RAE1: variants seen among roughly 807,000 people sequenced by gnomAD.
RAE1 encodes ribonucleic acid export 1, also known as mRNA export factor RAE1.
RAE1 carries 13 observed loss-of-function variants against 52.7 expected under a neutral mutation model. The observed-to-expected ratio is 0.25, with a 90% CI of 0.16 to 0.39. RAE1 has a LOEUF of 0.39. RAE1 is among the 10% of genes least tolerant of loss of function. The pLI, the probability that RAE1 is intolerant of heterozygous loss-of-function variation, is 1.00. For missense variants in RAE1, 262 were observed against 459.8 expected, an observed-to-expected ratio of 0.57 and a Z score of 3.93; for synonymous variants, 164 against 153.1, an observed-to-expected ratio of 1.07 and a Z score of -0.52.
At chr20:57,367,961 C>T (rs2066981410) in intron 7 of RAE1, among the ~76,000 whole-genome samples, 1 of 152,080 alleles carries the variant, frequency 6.6e-6, no homozygotes, top group Admixed American at 6.5e-5. Context: ...ATGATCTCAG[C>T]TCACTGCAAC....
chr20:57,359,868 T>C (rs1350963937), intron 4 of RAE1: 2 of 152,252 alleles, frequency 1.3e-5, no homozygotes, highest in Non-Finnish European at 2.9e-5. Context: ...CTTACAGTAC[T>C]GTGTCTATTG....
intron 5 of RAE1, among the ~76,000 whole-genome samples, chr20:57,366,337 G>T (rs1263308529): frequency 1.3e-5 from 2 of 152,218 alleles, no homozygotes; most frequent in Admixed American, 6.5e-5. Flanking sequence ...ATAGAGAAAA[G>T]AAATTTAGTT....
chr20:57,356,587 T>C lies in RAE1; in HGVS notation c.288+49T>C, dbSNP rs765044182. The C allele has an allele frequency of 2.7e-6, 4 of 1,465,534 alleles. No homozygotes were observed. The Admixed American group carries it at 7.3e-5, about 27-fold the overall frequency. 90.8% of individuals were successfully genotyped at this position (1,465,534 alleles called of 1,614,324 possible). On this transcript the variant is annotated intron_variant, in intron 4 of 11. Transcript: ENST00000395841. ...GTTCCATTTTACTTAAAGTACAGAA[T>C]GATTTAGAATATTTAATAATCCAAA...
chr20:57,351,589 C>T (rs553451129), intron 1 of RAE1, 167 bp downstream of exon 1: 25 of 985,556 alleles, frequency 2.5e-5, no homozygotes, highest in African/African-American at 2.1e-4. Context: ...TGGAAATGGC[C>T]TTAGGGGTCA....
chr20:57,352,677 T>C (rs969721226), intron 1 of RAE1, among the ~76,000 whole-genome samples: 2 of 152,232 alleles, frequency 1.3e-5, no homozygotes, highest in African/African-American at 4.8e-5. Flanking sequence ...GAAAGTAATA[T>C]TTATTAAGAA....
intron 7 of RAE1, 24 bp downstream of exon 7, chr20:57,367,103 T>G: frequency 6.6e-7 from 1 of 1,507,128 alleles, no homozygotes; most frequent in South Asian, 1.2e-5. Flanking sequence ...ACTTAATATG[T>G]ATTTACTTTA....
At chr20:57,351,598 C>T (rs2066709784) in intron 1 of RAE1, 176 bp downstream of exon 1, 3 of 985,516 alleles carry the variant, frequency 3.0e-6, no homozygotes, top group Non-Finnish European at 3.6e-6. Context: ...CCTTAGGGGT[C>T]ACCTAGGGCC....
intron 10 of RAE1, among the ~76,000 whole-genome samples, chr20:57,373,962 C>T (rs771030490): frequency 3.9e-5 from 6 of 152,164 alleles, no homozygotes; most frequent in Non-Finnish European, 8.8e-5. Flanking sequence ...GGCGTGATAT[C>T]ACCTCACTGC....
At chr20:57,361,417 T>C (rs1227192750) in intron 4 of RAE1, among the ~76,000 whole-genome samples, 3 of 152,182 alleles carry the variant, frequency 2.0e-5, no homozygotes, top group African/African-American at 7.2e-5. Flanking sequence ...GTCTGGGCTC[T>C]GACTGGGTTG....
chr20:57,351,292 T>G lies in RAE1; in HGVS notation c.-138T>G. ...GTCAGGGCAGTTTCTACCGCAGGCT[T>G]AAGGAGGCTTCGGGCTCCTGGGATT... On this transcript the variant is annotated 5_prime_UTR_variant, in exon 1 of 12. Transcript: ENST00000395841. 1.0e-6 allele frequency: 1 copy of G among 985,408 alleles called. No homozygotes were observed. The highest frequency in any genetic ancestry group is 1.2e-6 in the Non-Finnish European group (1 of 829,916). 61.0% of individuals were successfully genotyped at this position (985,408 alleles called of 1,614,324 possible). A position where few individuals can be genotyped will look rare whatever the true frequency, so the allele number is the denominator to read the frequency against.
At chr20:57,373,968 A>C (rs924903795) in intron 10 of RAE1, among the ~76,000 whole-genome samples, 1 of 152,082 alleles carries the variant, frequency 6.6e-6, no homozygotes, top group South Asian at 2.1e-4. Flanking sequence ...ATATCACCTC[A>C]CTGCAACCTC....
Position 57,373,582 on chromosome 20 carries a change from G to T in RAE1, c.749+1G>T. Reference sequence around the variant, plus strand: ...TTCACTATATCAACCCCCCGAACCCGTAAGTGTGACTCTGTCAGCTTGCAG... The same window carrying T: ...TTCACTATATCAACCCCCCGAACCCTTAAGTGTGACTCTGTCAGCTTGCAG... On this transcript the variant is annotated splice_donor_variant, in intron 9 of 11. Transcript: ENST00000395841. LOFTEE classifies it high-confidence loss of function. The T allele has an allele frequency of 6.2e-7, 1 of 1,613,720 alleles. No individual in the cohort carries two copies. Among genetic ancestry groups the T allele is most frequent in the Non-Finnish European group, 8.5e-7 (1 of 1,179,620 alleles).
rs542861433 is a variant in RAE1 at position 57,365,527 on chromosome 20, A to G, written c.375+85A>G. ...TTTAAGTGAAATAATTATTATAATT[A>G]TAATAAGAAAACGTGCAGTTAGACT... On this transcript the variant is annotated intron_variant, in intron 5 of 11. Transcript: ENST00000395841. 4.2e-5 allele frequency: 41 copies of G among 968,932 alleles called. No individual in the cohort carries two copies. The South Asian group carries it at 7.4e-4, about 18-fold the overall frequency. The allele number at this position is 968,932 out of a possible 1,614,324, so 60.0% of individuals were successfully genotyped here.
intron 4 of RAE1, 119 bp from the exon 5 acceptor site, chr20:57,365,237 A>T: frequency 1.6e-6 from 1 of 640,240 alleles, no homozygotes; most frequent in Non-Finnish European, 2.6e-6. Context: ...TCCCCAAACA[A>T]TTGGAAAAAT....
intron 8 of RAE1, chr20:57,371,902 G>A (rs1159152276): frequency 6.6e-6 from 1 of 152,194 alleles, no homozygotes; most frequent in East Asian, 1.9e-4. Context: ...AGGAGATTAT[G>A]CAAAATGAAA....
chr20:57,370,606 T>A (rs2067022499), intron 8 of RAE1, among the ~76,000 whole-genome samples: 1 of 152,192 alleles, frequency 6.6e-6, no homozygotes, highest in African/African-American at 2.4e-5. Context: ...AGCTACGGTA[T>A]CCCACACCAA....
intron 4 of RAE1, among the ~76,000 whole-genome samples, chr20:57,360,566 G>A (rs1475878916): frequency 6.6e-6 from 1 of 152,198 alleles, no homozygotes; most frequent in East Asian, 1.9e-4. Context: ...AGGGTTTAGG[G>A]CTAAGCATAG....
At chr20:57,353,947 C>A in intron 1 of RAE1, 85 bp from the exon 2 acceptor site, 1 of 1,223,398 alleles carries the variant, frequency 8.2e-7, no homozygotes, top group Non-Finnish European at 1.2e-6. Flanking sequence ...TTGAGTATTT[C>A]TCTTCTGCCA....
At chr20:57,373,838 C>T in intron 10 of RAE1, 100 bp downstream of exon 10, 1 of 1,218,428 alleles carries the variant, frequency 8.2e-7, no homozygotes, top group Non-Finnish European at 1.2e-6. Flanking sequence ...CACTGAAGAG[C>T]TTGTGTGTTC....
Sources: gnomAD v4.1 joint callset for allele counts (sites outside exome capture counted in the v4.1 genomes callset) on GRCh38, gnomAD v4.1.1 for gene constraint, MANE v1.5 for transcripts, NCBI Gene and HGNC (gene_info 2026-07-23, HGNC 2026-07-21) for gene names.